Variants in REPS1 observed in about 807,000 individuals in gnomAD.
The protein encoded by REPS1 is ralBP1-associated Eps domain-containing protein 1.
A neutral mutation model predicts 100.9 loss-of-function variants in REPS1; 39 were observed. That is an observed-to-expected ratio of 0.39 (90% confidence interval 0.30 to 0.50). The LOEUF (loss-of-function observed/expected upper bound fraction) is 0.50, where lower values mean the gene tolerates loss of function less well. Among genes scored for constraint, REPS1 ranks in the 20% least tolerant of loss-of-function variants. REPS1 has a pLI of 0.86. For missense variants in REPS1, 821 were observed against 968.5 expected, an observed-to-expected ratio of 0.85 and a Z score of 2.02; for synonymous variants, 324 against 340.3, an observed-to-expected ratio of 0.95 and a Z score of 0.53.
chr6:138,987,506 GC>G, intron 1 of REPS1, 23 bp downstream of exon 1: 1 of 1,541,734 alleles, frequency 6.5e-7, no homozygotes, highest in South Asian at 1.2e-5. Context: ...TAAGCCGCCC[GC>G]CGGCCCCGGG....
chr6:138,943,731 G>A, intron 6 of REPS1, 122 bp downstream of exon 6: 2 of 1,055,912 alleles, frequency 1.9e-6, no homozygotes, highest in Non-Finnish European at 1.3e-6. Flanking sequence ...ATTCTTTTTA[G>A]ACAAATAATC....
At position 138,917,770 on chromosome 6, in the gene REPS1, T is replaced by C. The variant is rs1780500688; in HGVS notation, c.1529-143A>G. The C allele has an allele frequency of 5.0e-6, 3 of 597,106 alleles. No individual in the cohort carries two copies. The Admixed American group carries it at 9.4e-5, about 19-fold the overall frequency. 37.0% of individuals were successfully genotyped at this position (597,106 alleles called of 1,614,324 possible). On this transcript the variant is annotated intron_variant, in intron 12 of 19. Transcript: ENST00000450536. Reference sequence around the variant, plus strand: ...AATAGGCTAACAGTTCATCCTAGTGTTATTAACTGTAAAAAATTAACTACA... The same window carrying C: ...AATAGGCTAACAGTTCATCCTAGTGCTATTAACTGTAAAAAATTAACTACA...
At chr6:138,938,133 CCTTT>C (rs1408708415) in intron 8 of REPS1, among the ~76,000 whole-genome samples, 6 of 151,924 alleles carry the variant, frequency 3.9e-5, no homozygotes, top group Non-Finnish European at 8.8e-5. Flanking sequence ...ATCAAGTCTC[CCTTT>C]CTATTTTAGC....
chr6:138,970,161 G>A (rs1240080961), intron 1 of REPS1, among the ~76,000 whole-genome samples: 1 of 152,092 alleles, frequency 6.6e-6, no homozygotes, highest in Non-Finnish European at 1.5e-5. Flanking sequence ...GTTCATCAAT[G>A]AGGTGTTCAG....
At chr6:138,945,729 AT>A in intron 2 of REPS1, 32 bp from the exon 3 acceptor site, 1 of 1,473,262 alleles carries the variant, frequency 6.8e-7, no homozygotes, top group Non-Finnish European at 9.1e-7. Flanking sequence ...TTACTTCAAA[AT>A]AAAAAAGGAC....
chr6:138,965,700 T>C (rs927123674), intron 1 of REPS1, among the ~76,000 whole-genome samples: 2 of 152,006 alleles, frequency 1.3e-5, no homozygotes, highest in African/African-American at 4.8e-5. Context: ...AGATAAATAA[T>C]CCCATTCAAC....
chr6:138,912,228 T>C (rs1780058645), intron 16 of REPS1, among the ~76,000 whole-genome samples: 3 of 152,210 alleles, frequency 2.0e-5, no homozygotes, highest in South Asian at 2.1e-4. Context: ...GGAACTACAA[T>C]AGAATATCCT....
chr6:138,934,387 C>A, intron 8 of REPS1: 3 of 466,214 alleles, frequency 6.4e-6, no homozygotes, highest in Non-Finnish European at 8.9e-6. Context: ...AGGGCTGTTA[C>A]GCAAAAAGTA....
intron 19 of REPS1, 71 bp downstream of exon 19, chr6:138,907,424 G>A: frequency 9.4e-7 from 1 of 1,059,178 alleles, no homozygotes; most frequent in Non-Finnish European, 1.4e-6. Flanking sequence ...AGGTATCTGA[G>A]GTCACATTCC....
chr6:138,926,434 G>A lies in REPS1; in HGVS notation c.1305C>T (p.Thr435=), dbSNP rs1189077431. ...CTGGTGCAATGTTAGAATCAAATTG[G>A]GTCAGAGTTTGTGAGCTTGAAGAGC... ...SERSSSSQTL[T]QFDSNIAPAD... is the part of the protein sequence containing the mutation. The change falls in exon 10 of 20, where the codon ACC becomes ACT. Residue 435 remains threonine (T), a synonymous_variant. Coordinates refer to ENST00000450536, the MANE Select transcript of REPS1 (RefSeq NM_001286611.2). 1 of 1,613,060 alleles carries A rather than the reference G, an allele frequency of 6.2e-7. No homozygotes were observed. Among genetic ancestry groups the A allele is most frequent in the East Asian group, 2.2e-5 (1 of 44,874 alleles).
chr6:138,943,813 C>T (rs766831033), intron 6 of REPS1, 40 bp downstream of exon 6: 49 of 1,543,740 alleles, frequency 3.2e-5, no homozygotes, highest in Admixed American at 5.3e-5. Context: ...TTGAGATTCT[C>T]CTGTCCCATC....
chr6:138,914,838 G>C, intron 14 of REPS1, 77 bp from the exon 15 acceptor site: 1 of 1,153,816 alleles, frequency 8.7e-7, no homozygotes. Flanking sequence ...CTGAATGAAT[G>C]TGACTACATG....
chr6:138,963,903 T>C (rs541853717), intron 1 of REPS1, among the ~76,000 whole-genome samples: 44 of 152,302 alleles, frequency 2.9e-4, no homozygotes, highest in South Asian at 6.2e-4. Flanking sequence ...TCATAAGCCA[T>C]GTATATATTC....
intron 1 of REPS1, among the ~76,000 whole-genome samples, chr6:138,966,763 C>T (rs576155796): frequency 2.0e-5 from 3 of 151,950 alleles, no homozygotes; most frequent in African/African-American, 7.3e-5. Flanking sequence ...TGATAGGTGT[C>T]ATATTTCTCA....
At chr6:138,961,755 T>C (rs1164137634) in intron 1 of REPS1, among the ~76,000 whole-genome samples, 1 of 151,964 alleles carries the variant, frequency 6.6e-6, no homozygotes, top group Non-Finnish European at 1.5e-5. Context: ...TATTACAGAG[T>C]AAAAATAAAG....
intron 8 of REPS1, among the ~76,000 whole-genome samples, chr6:138,930,913 G>A (rs1363968769): frequency 6.6e-6 from 1 of 152,100 alleles, no homozygotes; most frequent in Non-Finnish European, 1.5e-5. Flanking sequence ...GTATTTTGAG[G>A]TATCATATTC....
At position 138,931,261 on chromosome 6, in the gene REPS1, T is replaced by C. The variant is rs146002081; in HGVS notation, c.1136-1163A>G. Among the ~76,000 whole-genome samples, 3 of 152,324 alleles carry C rather than the reference T, an allele frequency of 2.0e-5. No individual in the cohort carries two copies. In the East Asian group the frequency reaches 5.8e-4, roughly 29 times the overall value. ...ATGTATAGCTTTTAACTTCTCAATC[T>C]ATTCATCAGTAAATCCTTTAAGTTT... On this transcript the variant is annotated intron_variant, in intron 8 of 19. Coordinates refer to ENST00000450536, the MANE Select transcript of REPS1 (RefSeq NM_001286611.2).
chr6:138,925,799 G>A (rs996680068), intron 10 of REPS1, among the ~76,000 whole-genome samples: 8 of 152,178 alleles, frequency 5.3e-5, no homozygotes, highest in African/African-American at 1.7e-4. Context: ...TATGGGGACA[G>A]AATTTATTTT....
intron 1 of REPS1, among the ~76,000 whole-genome samples, chr6:138,984,294 G>A (rs1228340366): frequency 6.6e-6 from 1 of 151,974 alleles, no homozygotes; most frequent in Non-Finnish European, 1.5e-5. Flanking sequence ...TGTTGGCCAG[G>A]TTGGTCTCCA....
Sources: allele counts gnomAD v4.1 joint callset (sites outside exome capture counted in the v4.1 genomes callset), GRCh38; gene constraint gnomAD v4.1.1; transcripts MANE v1.5; gene names NCBI Gene and HGNC (gene_info 2026-07-23, HGNC 2026-07-21).